RYR1: variants seen among roughly 807,000 people sequenced by gnomAD.
RYR1 encodes the protein central core disease of muscle.
RYR1 carries 342 observed loss-of-function variants against 583.5 expected under a neutral mutation model. The observed-to-expected ratio is 0.59, with a 90% CI of 0.54 to 0.64. The LOEUF is 0.64. Among genes scored for constraint, RYR1 ranks in the 30% least tolerant of loss-of-function variants. The probability of loss-of-function intolerance (pLI) is 0.00; values close to 1 mark genes in which losing one functional copy is unlikely to be tolerated. For synonymous variants in RYR1, 2,791 were observed against 2,822.5 expected (o/e 0.99, Z 0.35); for missense variants, 6,032 against 6,917.2 (o/e 0.87, Z 4.54).
chr19:38,464,398 A>G (rs1967976890), intron 22 of RYR1, among the ~76,000 whole-genome samples: 1 of 151,782 alleles, frequency 6.6e-6, no homozygotes, highest in East Asian at 1.9e-4. Flanking sequence ...GCAGAAAGAG[A>G]CAGGGAGACA....
chr19:38,500,814 C>A lies in RYR1; in HGVS notation c.7445-7C>A. 1 of 1,612,954 alleles carries A rather than the reference C, an allele frequency of 6.2e-7. No homozygotes were observed. On this transcript the variant is annotated splice_region_variant and splice_polypyrimidine_tract_variant and intron_variant, in intron 46 of 105. Coordinates refer to ENST00000359596, the MANE Select transcript of RYR1 (RefSeq NM_000540.3). The surrounding 1 kb of genome is among the most constrained non-coding windows in gnomAD (Gnocchi z 5.9). ...GGCATCCCCGAACCCACCCTCCCTGCCTGCAGATGGGGCTCTGGTGCAGCC... is the reference window on the plus strand; with the variant it reads ...GGCATCCCCGAACCCACCCTCCCTGACTGCAGATGGGGCTCTGGTGCAGCC...
intron 67 of RYR1, 72 bp downstream of exon 67, chr19:38,519,526 G>C: frequency 6.6e-7 from 1 of 1,511,676 alleles, no homozygotes; most frequent in Non-Finnish European, 9.0e-7. Context: ...TCTGATCTCC[G>C]CCTCCTGACT....
At chr19:38,580,898 C>CT (rs1568605876) in intron 101 of RYR1, among the ~76,000 whole-genome samples, 11 of 144,234 alleles carry the variant, frequency 7.6e-5, no homozygotes, top group African/African-American at 2.9e-4. Context: ...ATGCCAGGCA[C>CT]ATTTTTTTTT....
Position 38,469,040 on chromosome 19 carries a change from C to A in RYR1, c.3456C>A (p.Ile1152=), listed in dbSNP as rs11083462. The part of the protein sequence containing the change: ...WQPGDVVGCM[I]DLTENTIIFT... ...CGGGCGATGTCGTTGGCTGTATGAT[C>A]GACCTCACAGAGAACACCATTATCT... Residue 1152 remains isoleucine (I), a synonymous_variant, in exon 26 of 106, where the codon ATC becomes ATA. Coordinates refer to ENST00000359596, the MANE Select transcript of RYR1 (RefSeq NM_000540.3). 1 of 1,613,848 alleles carries A rather than the reference C, an allele frequency of 6.2e-7. No individual in the cohort carries two copies. The highest frequency in any genetic ancestry group is 2.2e-5 in the East Asian group (1 of 44,854).
chr19:38,578,209 G>A lies in RYR1; in HGVS notation c.14364+5G>A, dbSNP rs774890225. 3 of 1,613,332 alleles carry A rather than the reference G, an allele frequency of 1.9e-6. No individual in the cohort carries two copies. The South Asian group carries it at 3.3e-5, about 18-fold the overall frequency. Reference sequence around the variant, plus strand: ...GGGGTCATCTTCACAGACAACGTGAGCAGGGGCCCACAGACTGGGGAGGGA... The same window carrying A: ...GGGGTCATCTTCACAGACAACGTGAACAGGGGCCCACAGACTGGGGAGGGA... On this transcript the variant is annotated splice_donor_5th_base_variant and intron_variant, in intron 99 of 105. Transcript: ENST00000359596.
chr19:38,466,002 C>A, intron 23 of RYR1, 89 bp from the exon 24 acceptor site: 1 of 1,274,718 alleles, frequency 7.8e-7, no homozygotes, highest in Non-Finnish European at 1.1e-6. Flanking sequence ...GAAGCTGGGA[C>A]AAGGGTCAGC....
At chr19:38,527,970 C>A in intron 73 of RYR1, 186 bp downstream of exon 73, 2 of 651,516 alleles carry the variant, frequency 3.1e-6, no homozygotes, top group Non-Finnish European at 2.6e-6. Flanking sequence ...CTTAATCTTG[C>A]ATCTGGGGGC....
intron 63 of RYR1, among the ~76,000 whole-genome samples, chr19:38,514,282 AT>A (rs56826915): frequency 1.2e-3 from 165 of 139,044 alleles, no homozygotes; most frequent in Middle Eastern, 3.7e-3. Context: ...TTTTTTTTTA[AT>A]TTTTTTTTTT....
rs771719180 is a variant in RYR1, at chr19:38,580,516, C to A, written c.14646+12C>A. ...ATGACATGATGACGGTGAGCCCCTC[C>A]CCTAGCACTCTGGGACCCTTCCTTC... is the stretch of plus-strand genomic sequence containing the variant. On this transcript the variant is annotated intron_variant, in intron 101 of 105. Coordinates refer to ENST00000359596, the MANE Select transcript of RYR1 (RefSeq NM_000540.3). 2.5e-6 allele frequency: 4 copies of A among 1,613,870 alleles called. No homozygotes were observed. In the Admixed American group the frequency reaches 6.7e-5, roughly 27 times the overall value.
At position 38,530,927 on chromosome 19, in the gene RYR1, C is replaced by T. The variant is rs183606605; in HGVS notation, c.11142-1563C>T. On this transcript the variant is annotated intron_variant, in intron 76 of 105. Coordinates refer to ENST00000359596, the MANE Select transcript of RYR1 (RefSeq NM_000540.3). ...AAGCGATTCTCCTGCCTCAGCCTTC[C>T]GAGTAGCTGGGATTACAGGTGCATG... Among the ~76,000 whole-genome samples the T allele has an allele frequency of 1.4e-4, 22 of 151,890 alleles. No individual in the cohort carries two copies. The East Asian group carries it at 2.3e-3, about 16-fold the overall frequency.
At chr19:38,515,494 T>C (rs1455786354) in intron 64 of RYR1, among the ~76,000 whole-genome samples, 1 of 152,142 alleles carries the variant, frequency 6.6e-6, no homozygotes, top group Non-Finnish European at 1.5e-5. Flanking sequence ...AGCTCTGAAG[T>C]TATTCAGATT....
In RYR1 at chr19:38,444,424, C is replaced by T. The variant is rs76435553; in HGVS notation, c.538-160C>T. ...ATCCAATTTTCTGATTTCTGACCTC[C>T]CATTGCCCGACTTGATCATTTCCTG... On this transcript the variant is annotated intron_variant, in intron 6 of 105. Coordinates refer to ENST00000359596, the MANE Select transcript of RYR1 (RefSeq NM_000540.3). The surrounding 1 kb of genome is among the most constrained non-coding windows in gnomAD (Gnocchi z 5.1). Among the ~76,000 whole-genome samples, 169 of 152,280 alleles carry T rather than the reference C, an allele frequency of 1.1e-3. 2 individuals carry two copies. The highest frequency in any genetic ancestry group is 3.9e-3 in the African/African-American group (162 of 41,558).
At chr19:38,541,417 G>T (rs1384470643) in intron 84 of RYR1, among the ~76,000 whole-genome samples, 1 of 141,974 alleles carries the variant, frequency 7.0e-6, no homozygotes, top group East Asian at 2.1e-4. Context: ...AGGTCTCAAT[G>T]TAAAAAGGAT....
In RYR1 at chr19:38,515,105, A is replaced by C. The variant is rs1568525081; in HGVS notation, c.9552A>C (p.Glu3184Asp). 1 of 1,610,746 alleles carries C rather than the reference A, an allele frequency of 6.2e-7. No homozygotes were observed. The highest frequency in any genetic ancestry group is 8.5e-7 in the Non-Finnish European group (1 of 1,177,342). Residue 3184 changes from glutamate to aspartate, a missense_variant and splice_region_variant, in exon 64 of 106, where the codon GAA (glutamate) becomes GAC (aspartate). By Grantham distance (45) the Glu-to-Asp change is conservative. Around this residue, in one of 11 missense-constraint regions of RYR1, gnomAD observed 1,493 missense variants for 1,715.5 expected, o/e 0.87. Transcript: ENST00000359596. Reference sequence around the variant, plus strand: ...GAACCACCAAGAACACTTATGTGGAAAAGTAAGGAGAGGGAGCCATCGTTT... The same window carrying C: ...GAACCACCAAGAACACTTATGTGGACAAGTAAGGAGAGGGAGCCATCGTTT... Reference protein sequence around the residue: ...SLGTTKNTYVEKLRPALGECL... With the variant: ...SLGTTKNTYVDKLRPALGECL...
At chr19:38,471,633 G>A (rs1182543934) in intron 27 of RYR1, among the ~76,000 whole-genome samples, 1 of 152,082 alleles carries the variant, frequency 6.6e-6, no homozygotes, top group Admixed American at 6.5e-5. Flanking sequence ...GGGCTCGGTG[G>A]CTCATGCCTG....
At chr19:38,485,176 A>G (rs1352317428) in intron 33 of RYR1, among the ~76,000 whole-genome samples, 1 of 152,096 alleles carries the variant, frequency 6.6e-6, no homozygotes, top group Non-Finnish European at 1.5e-5. Flanking sequence ...CACATCTTGG[A>G]AACATCAGAT....
chr19:38,577,806 G>T, intron 97 of RYR1, 112 bp from the exon 98 acceptor site: 3 of 1,380,258 alleles, frequency 2.2e-6, no homozygotes, highest in Non-Finnish European at 3.0e-6. Context: ...AAAAAAAAAT[G>T]CACCTCCCAT....
In RYR1 at chr19:38,512,582, G is replaced by A. The variant is rs2145664264; in HGVS notation, c.9472+99G>A. 8.6e-7 allele frequency: 1 copy of A among 1,165,918 alleles called. No homozygotes were observed. The highest frequency in any genetic ancestry group is 1.9e-4 in the Middle Eastern group (1 of 5,172). The allele number at this position is 1,165,918 out of a possible 1,614,324, so 72.2% of individuals were successfully genotyped here. ...GAGTCCCTGGGTGTTTGAATGTGTG[G>A]ATTTCTTGCTGTAAGCAAAGCATGC... On this transcript the variant is annotated intron_variant, in intron 63 of 105. Transcript: ENST00000359596. This position sits in a 1 kb window ranked among gnomAD's most constrained non-coding sequence, Gnocchi z 5.1.
rs554893097 is a variant in RYR1, at chr19:38,475,208, G to A, written c.4161-110G>A. 74 of 1,428,994 alleles carry A rather than the reference G, an allele frequency of 5.2e-5. No homozygotes were observed. In the South Asian group the frequency reaches 9.0e-4, roughly 17 times the overall value. 88.5% of individuals were successfully genotyped at this position (1,428,994 alleles called of 1,614,324 possible). A position where few individuals can be genotyped will look rare whatever the true frequency, so the allele number is the denominator to read the frequency against. ...ATCCAGCCCTCTAGAGGCAAGACCT[G>A]GGGTATTAGAAGCAGGGTGTATCCA... On this transcript the variant is annotated intron_variant, in intron 28 of 105. Coordinates refer to ENST00000359596, the MANE Select transcript of RYR1 (RefSeq NM_000540.3).
Sources: gnomAD v4.1 joint callset for allele counts (sites outside exome capture counted in the v4.1 genomes callset) on GRCh38, gnomAD v4.1.1 for gene constraint, gnomAD v4.1.1 regional missense constraint, Gnocchi (gnomAD v3.1) non-coding constraint, MANE v1.5 for transcripts, NCBI Gene and HGNC (gene_info 2026-07-23, HGNC 2026-07-21) for gene names.